The following RAB18 variants were observed in gnomAD, a reference collection of about 807,000 sequenced individuals.
RAB18 encodes ras-related protein Rab-18.
In RAB18, 10 loss-of-function variants were observed where a neutral mutation model predicts 28.5. The observed-to-expected ratio is 0.35, with a 90% CI of 0.22 to 0.60. The LOEUF is 0.60. Ranked by LOEUF, RAB18 falls within the 20% of genes least tolerant of loss-of-function variation. The pLI is 0.78. For missense variants in RAB18, 188 were observed against 244.2 expected (o/e 0.77, Z 1.53); for synonymous variants, 93 against 86.9 (o/e 1.07, Z -0.39).
intron 2 of RAB18, among the ~76,000 whole-genome samples, chr10:27,518,423 T>G (rs1296318634): frequency 6.6e-6 from 1 of 152,160 alleles, no homozygotes; most frequent in Non-Finnish European, 1.5e-5. Context: ...CAGCCTTATT[T>G]AAATTTTAAC....
intron 2 of RAB18, among the ~76,000 whole-genome samples, chr10:27,521,207 C>T (rs900437956): frequency 6.6e-6 from 1 of 151,950 alleles, no homozygotes; most frequent in African/African-American, 2.4e-5. Flanking sequence ...TTGTAGCCAA[C>T]ATATGGCCTA....
chr10:27,519,791 A>G (rs879313102), intron 2 of RAB18, among the ~76,000 whole-genome samples: 1 of 152,162 alleles, frequency 6.6e-6, no homozygotes, highest in African/African-American at 2.4e-5. Flanking sequence ...TCAAAATCCC[A>G]GCAGGCTTTT....
At chr10:27,533,607 T>A (rs1347842066) in intron 4 of RAB18, 128 bp from the exon 5 acceptor site, 2 of 1,069,264 alleles carry the variant, frequency 1.9e-6, no homozygotes, top group African/African-American at 3.2e-5. Flanking sequence ...TCAATATTAA[T>A]CGTTGAAGAC....
rs547432966 is a variant in RAB18, at chr10:27,528,901, G to A, written c.186+2012G>A. 9.3e-4 allele frequency among the ~76,000 whole-genome samples: 142 copies of A among 152,006 alleles called. 1 individual carries two copies. Among genetic ancestry groups the A allele is most frequent in the Admixed American group, 3.7e-3 (57 of 15,268 alleles). ...TCATTCTTTCTGTTTTTGCCTCTGA[G>A]TGTTGCTGTTTTACTTATATTTGCA... On this transcript the variant is annotated intron_variant, in intron 3 of 6. Coordinates refer to ENST00000356940, the MANE Select transcript of RAB18 (RefSeq NM_021252.5).
chr10:27,523,462 C>G (rs1360261010), intron 2 of RAB18, among the ~76,000 whole-genome samples: 4 of 151,784 alleles, frequency 2.6e-5, no homozygotes, highest in Admixed American at 6.6e-5. Context: ...TTGATGGTCT[C>G]TCATTTTCTT....
At chr10:27,509,747 C>T (rs987640444) in intron 1 of RAB18, 128 bp from the exon 2 acceptor site, 5 of 778,244 alleles carry the variant, frequency 6.4e-6, no homozygotes, top group African/African-American at 3.4e-5. Flanking sequence ...GGCAGTATTC[C>T]TAGGAACAGG....
chr10:27,514,960 C>T (rs1006219935), intron 2 of RAB18, among the ~76,000 whole-genome samples: 6 of 151,982 alleles, frequency 3.9e-5, no homozygotes, highest in African/African-American at 1.4e-4. Flanking sequence ...TGGGGTCTCA[C>T]CAAACTGTTG....
At position 27,540,894 on chromosome 10, in the gene RAB18, T is replaced by C; in HGVS notation, c.*2843T>C. 1.1e-5 allele frequency: 5 copies of C among 454,094 alleles called. No individual in the cohort carries two copies. The highest frequency in any genetic ancestry group is 2.2e-5 in the Non-Finnish European group (5 of 226,778). The allele number at this position is 454,094 out of a possible 1,614,324, so 28.1% of individuals were successfully genotyped here. A position where few individuals can be genotyped will look rare whatever the true frequency, so the allele number is the denominator to read the frequency against. ...TCTACTAAGGGTGGGGCTAGCACCA[T>C]AGCTCATAAAAGAATCCTTCTTACA... On this transcript the variant is annotated 3_prime_UTR_variant, in exon 7 of 7. Transcript: ENST00000356940.
chr10:27,529,610 T>TA (rs972347667), intron 3 of RAB18, among the ~76,000 whole-genome samples: 3 of 151,936 alleles, frequency 2.0e-5, no homozygotes, highest in Non-Finnish European at 2.9e-5. Context: ...GCCCTGAGTT[T>TA]ATCTATATAT....
intron 4 of RAB18, 26 bp downstream of exon 4, chr10:27,532,605 T>C (rs747025604): frequency 6.7e-7 from 1 of 1,499,392 alleles, no homozygotes; most frequent in Non-Finnish European, 9.3e-7. Context: ...AATGTACTAT[T>C]TAAAAATATT....
At chr10:27,530,852 C>G (rs1332335127) in intron 3 of RAB18, among the ~76,000 whole-genome samples, 1 of 151,490 alleles carries the variant, frequency 6.6e-6, no homozygotes, top group African/African-American at 2.4e-5. Flanking sequence ...GCATAGTGAT[C>G]AAAAAAGATC....
chr10:27,520,679 G>A (rs574889134), intron 2 of RAB18, among the ~76,000 whole-genome samples: 25 of 151,832 alleles, frequency 1.6e-4, no homozygotes, highest in African/African-American at 5.1e-4. Flanking sequence ...AACTTTGGGC[G>A]TCCAAGGCAG....
chr10:27,506,448 A>G (rs1445422912), intron 1 of RAB18, among the ~76,000 whole-genome samples: 3 of 151,966 alleles, frequency 2.0e-5, no homozygotes, highest in African/African-American at 7.3e-5. Flanking sequence ...CAGCCTTTTG[A>G]GTAGCTGGAC....
chr10:27,528,344 A>G (rs577212253), intron 3 of RAB18: 8 of 486,944 alleles, frequency 1.6e-5, no homozygotes, highest in South Asian at 1.2e-4. Flanking sequence ...TGTAAGAATA[A>G]TACAGGGTCA....
rs1367699315 is a variant in RAB18 at position 27,539,903 on chromosome 10, T to C, written c.*1852T>C. ...TGAAGAATATGTACTATTGTGTTAC[T>C]CAAATTATGTGGCTTTCATTTTGTT... On this transcript the variant is annotated 3_prime_UTR_variant, in exon 7 of 7. Coordinates refer to ENST00000356940, the MANE Select transcript of RAB18 (RefSeq NM_021252.5). 2.2e-6 allele frequency: 1 copy of C among 453,226 alleles called. No individual in the cohort carries two copies. Among genetic ancestry groups the C allele is most frequent in the African/African-American group, 2.0e-5 (1 of 49,948 alleles). 28.1% of individuals were successfully genotyped at this position (453,226 alleles called of 1,614,324 possible).
intron 2 of RAB18, chr10:27,513,886 TC>T (rs1349596668): frequency 1.3e-5 from 2 of 152,162 alleles, no homozygotes; most frequent in Non-Finnish European, 2.9e-5. Flanking sequence ...TTCTAAGAAG[TC>T]GGGGAAATGA....
chr10:27,523,672 GCA>G (rs1834613965), intron 2 of RAB18, among the ~76,000 whole-genome samples: 1 of 146,462 alleles, frequency 6.8e-6, no homozygotes, highest in East Asian at 2.0e-4. Context: ...GGCTGCAGTA[GCA>G]CAACCACGGC....
At chr10:27,523,347 AT>A (rs1253641494) in intron 2 of RAB18, among the ~76,000 whole-genome samples, 1 of 139,992 alleles carries the variant, frequency 7.1e-6, no homozygotes, top group African/African-American at 2.7e-5. Flanking sequence ...CAAATTTGAA[AT>A]TTTTCAGCCA....
chr10:27,515,088 T>TTTTG (rs1269832388), intron 2 of RAB18, among the ~76,000 whole-genome samples: 1 of 152,146 alleles, frequency 6.6e-6, no homozygotes, highest in Non-Finnish European at 1.5e-5. Context: ...CGACCAGTTT[T>TTTTG]TTTGTTTGTT....
Sources: gnomAD v4.1 joint callset for allele counts (sites outside exome capture counted in the v4.1 genomes callset) on GRCh38, gnomAD v4.1.1 for gene constraint, MANE v1.5 for transcripts, NCBI Gene and HGNC (gene_info 2026-07-23, HGNC 2026-07-21) for gene names.